RAD51B: variants seen among roughly 807,000 people sequenced by gnomAD.
The protein encoded by RAD51B is DNA repair protein RAD51 homolog 2.
Under a neutral mutation model 42.2 loss-of-function variants are expected in RAD51B, and 38 were observed. That is an observed-to-expected ratio of 0.90 (90% CI 0.70 to 1.18). The LOEUF is 1.18. Ranked by LOEUF, RAD51B falls within the 50% of genes most tolerant of loss-of-function variation. The probability of loss-of-function intolerance (pLI) is 0.00; values close to 1 mark genes in which losing one functional copy is unlikely to be tolerated. For missense variants in RAD51B, 373 were observed against 400.7 expected (o/e 0.93, Z 0.59); for synonymous variants, 154 against 145.2 (o/e 1.06, Z -0.43).
At chr14:68,470,843 T>C in intron 10 of RAD51B, 1 of 387,340 alleles carries the variant, frequency 2.6e-6, no homozygotes, top group Middle Eastern at 7.5e-4. Context: ...TCACATCAGC[T>C]TTGTCCGATC....
intron 11 of RAD51B, among the ~76,000 whole-genome samples, chr14:68,663,564 G>A (rs887218747): frequency 6.6e-6 from 1 of 152,114 alleles, no homozygotes; most frequent in Admixed American, 6.5e-5. Flanking sequence ...TTAGCTTTAC[G>A]CATAACTTGT....
At chr14:68,103,046 A>C (rs115333418) in intron 7 of RAD51B, among the ~76,000 whole-genome samples, 364 of 152,248 alleles carry the variant, frequency 2.4e-3, no homozygotes, top group African/African-American at 8.5e-3. Flanking sequence ...TATCAGAAGA[A>C]CAGCATGGGG....
At chr14:68,608,812 G>A (rs1891558605) in intron 10 of RAD51B, among the ~76,000 whole-genome samples, 1 of 152,198 alleles carries the variant, frequency 6.6e-6, no homozygotes, top group Non-Finnish European at 1.5e-5. Context: ...GTCCACAGCA[G>A]TTTCCCCAGC....
intron 7 of RAD51B, among the ~76,000 whole-genome samples, chr14:68,280,707 A>G (rs1042395716): frequency 2.0e-5 from 3 of 152,220 alleles, no homozygotes; most frequent in Admixed American, 2.0e-4. Flanking sequence ...AGAGAAGGAT[A>G]ACACAAATGA....
At chr14:68,104,552 C>T (rs1435104358) in intron 7 of RAD51B, among the ~76,000 whole-genome samples, 1 of 152,090 alleles carries the variant, frequency 6.6e-6, no homozygotes, top group African/African-American at 2.4e-5. Flanking sequence ...ATCTAATCTC[C>T]CCACTTCATT....
At chr14:68,351,209 C>T (rs1036450852) in intron 8 of RAD51B, among the ~76,000 whole-genome samples, 3 of 152,090 alleles carry the variant, frequency 2.0e-5, no homozygotes, top group Non-Finnish European at 4.4e-5. Context: ...AGGACAGTGG[C>T]ATTTTGAGTA....
intron 7 of RAD51B, among the ~76,000 whole-genome samples, chr14:68,056,295 A>G (rs945014188): frequency 6.6e-6 from 1 of 152,034 alleles, no homozygotes; most frequent in Non-Finnish European, 1.5e-5. Flanking sequence ...AGTAGCAGGG[A>G]TGCCACCATG....
intron 10 of RAD51B, chr14:68,562,019 A>G (rs1395023751): frequency 1.0e-6 from 1 of 985,306 alleles, no homozygotes; most frequent in African/African-American, 1.7e-5. Context: ...TCTGCCTCAC[A>G]GCACGTCTCT....
At chr14:68,388,469 A>C (rs900174256) in intron 8 of RAD51B, among the ~76,000 whole-genome samples, 10 of 152,122 alleles carry the variant, frequency 6.6e-5, no homozygotes, top group Non-Finnish European at 1.3e-4. Context: ...TGCCTTAGTT[A>C]GCCTGATTTA....
chr14:68,426,287 G>T (rs575831713), intron 9 of RAD51B, among the ~76,000 whole-genome samples: 13 of 150,346 alleles, frequency 8.6e-5, no homozygotes, highest in African/African-American at 2.2e-4. Context: ...TGTTGGTCAG[G>T]CTGCTTTCGA....
intron 8 of RAD51B, among the ~76,000 whole-genome samples, chr14:68,301,583 T>G (rs535589347): frequency 1.1e-3 from 159 of 139,484 alleles, no homozygotes; most frequent in African/African-American, 4.1e-3. Context: ...GTTTTTTTTT[T>G]GTTTGTGTGT....
chr14:68,175,513 T>C (rs571560890), intron 7 of RAD51B, among the ~76,000 whole-genome samples: 17 of 152,234 alleles, frequency 1.1e-4, no homozygotes, highest in African/African-American at 3.8e-4. Flanking sequence ...GAAATACCTA[T>C]TTTTGGTTGT....
At chr14:68,143,064 A>G (rs959708968) in intron 7 of RAD51B, among the ~76,000 whole-genome samples, 50 of 152,028 alleles carry the variant, frequency 3.3e-4, no homozygotes, top group African/African-American at 1.2e-3. Context: ...TCCTAAAGGA[A>G]CACTGTGATT....
chr14:68,339,177 G>T (rs1474119482), intron 8 of RAD51B: 1 of 847,044 alleles, frequency 1.2e-6, no homozygotes, highest in South Asian at 1.4e-5. Flanking sequence ...TTTCTTCTTG[G>T]CCTGGGCCAA....
chr14:68,372,319 G>A (rs968347659), intron 8 of RAD51B, among the ~76,000 whole-genome samples: 2 of 152,162 alleles, frequency 1.3e-5, no homozygotes, highest in African/African-American at 4.8e-5. Flanking sequence ...AATGGAAACA[G>A]TGAAATGGAG....
At chr14:68,450,571 A>G (rs17105655) in intron 9 of RAD51B, among the ~76,000 whole-genome samples, 7,287 of 152,110 alleles carry the variant, frequency 0.048, 539 homozygotes, top group African/African-American at 0.16. Context: ...TCCACCTCTG[A>G]AGGGCCCTCG....
At chr14:68,292,104 C>A in intron 8 of RAD51B, 124 bp downstream of exon 8, 2 of 844,644 alleles carry the variant, frequency 2.4e-6, no homozygotes, top group South Asian at 1.6e-5. Context: ...CCAGCCGGAG[C>A]CTGTTGATTT....
chr14:68,108,188 G>T (rs1163684299), intron 7 of RAD51B, among the ~76,000 whole-genome samples: 12 of 151,294 alleles, frequency 7.9e-5, no homozygotes, highest in Admixed American at 7.9e-4. Flanking sequence ...GTGTTGGTAA[G>T]AATATAAAAA....
intron 4 of RAD51B, among the ~76,000 whole-genome samples, chr14:67,861,630 G>A (rs921100303): frequency 4.0e-5 from 6 of 148,920 alleles, no homozygotes; most frequent in African/African-American, 1.2e-4. Flanking sequence ...GAAAAGACAA[G>A]AGATGTCAAA....
Sources: gnomAD v4.1 joint callset for allele counts (sites outside exome capture counted in the v4.1 genomes callset) on GRCh38, gnomAD v4.1.1 for gene constraint, MANE v1.5 for transcripts, NCBI Gene and HGNC (gene_info 2026-07-23, HGNC 2026-07-21) for gene names.